PWWP3A: variants seen among roughly 807,000 people sequenced by gnomAD.
PWWP3A encodes PWWP domain-containing DNA repair factor 3A.
A neutral mutation model predicts 79.0 loss-of-function variants in PWWP3A; 53 were observed. The observed-to-expected ratio is 0.67, with a 90% CI of 0.54 to 0.84. The LOEUF (loss-of-function observed/expected upper bound fraction) is 0.84, where lower values mean the gene tolerates loss of function less well. PWWP3A is among the 40% of genes least tolerant of loss of function. PWWP3A has a pLI of 0.00. For synonymous variants in PWWP3A, 443 were observed against 394.4 expected (o/e 1.12, Z -1.46); for missense variants, 973 against 948.0 (o/e 1.03, Z -0.35).
chr19:1,366,895 G>A (rs778012028), intron 8 of PWWP3A, among the ~76,000 whole-genome samples: 6 of 152,222 alleles, frequency 3.9e-5, no homozygotes, highest in Admixed American at 1.3e-4. Context: ...TGCTGCCCCC[G>A]AGGGGTGGGA....
chr19:1,365,333 G>A (rs919328966), intron 7 of PWWP3A, among the ~76,000 whole-genome samples: 4 of 152,256 alleles, frequency 2.6e-5, no homozygotes, highest in Admixed American at 1.3e-4. Flanking sequence ...CCTGGAAGTT[G>A]CAGGTCATTG....
At position 1,373,089 on chromosome 19, in the gene PWWP3A, C is replaced by A. The variant is rs1210506254; in HGVS notation, c.2004C>A (p.Ile668=). ...TCTCACAGGCCATCATCTGTGCGAT[C>A]TCTGCGGTGGACGAGGTGGACTACA... ...VLLPEAIICA[I]SAVDEVDYKT... Residue 668 remains isoleucine, a synonymous_variant, in exon 13 of 14, where the codon ATC becomes ATA. Transcript: ENST00000591337. The A allele has an allele frequency of 1.2e-6, 2 of 1,614,102 alleles. No homozygotes were observed. Among genetic ancestry groups the A allele is most frequent in the Admixed American group, 1.7e-5 (1 of 60,014 alleles).
At chr19:1,364,278 C>A (rs1307276929) in intron 6 of PWWP3A, 1 of 669,262 alleles carries the variant, frequency 1.5e-6, no homozygotes, top group Non-Finnish European at 2.8e-6. Flanking sequence ...CAGTGCAGCA[C>A]CCCACTCAGC....
intron 7 of PWWP3A, among the ~76,000 whole-genome samples, chr19:1,365,981 G>A (rs913787530): frequency 2.0e-5 from 3 of 152,240 alleles, no homozygotes; most frequent in African/African-American, 7.2e-5. Flanking sequence ...CAGAGCATTA[G>A]GAGGACAAAC....
intron 1 of PWWP3A, among the ~76,000 whole-genome samples, chr19:1,355,591 C>T (rs1479050267): frequency 1.4e-5 from 2 of 142,732 alleles, no homozygotes; most frequent in African/African-American, 5.2e-5. Flanking sequence ...TGCTGTGACC[C>T]CCTTCTCTGT....
chr19:1,366,842 C>G (rs1471479928), intron 8 of PWWP3A, among the ~76,000 whole-genome samples: 1 of 152,260 alleles, frequency 6.6e-6, no homozygotes, highest in Non-Finnish European at 1.5e-5. Flanking sequence ...CATTGCATAT[C>G]CCCAAGTCGA....
chr19:1,362,125 G>C, intron 5 of PWWP3A, 125 bp from the exon 6 acceptor site: 1 of 641,686 alleles, frequency 1.6e-6, no homozygotes, highest in Non-Finnish European at 2.6e-6. Flanking sequence ...TGGCAGTGTG[G>C]AGTTGTGTAT....
Position 1,370,660 on chromosome 19 carries a change from C to G in PWWP3A, c.1568C>G (p.Ser523Cys). ...TTTGCAGGCTATCCTGTCCGAAAAT[C>G]CATCCAGCAGGACGTCTTGGGGACC... ...AADISYPVRK[S>C]IQQDVLGTKL... is the part of the protein sequence containing the mutation. Residue 523 changes from serine to cysteine, a missense_variant, in exon 12 of 14, where the codon TCC becomes TGC. By Grantham distance (112) the Ser-to-Cys change is moderately radical (BLOSUM62 -1). Coordinates refer to ENST00000591337, the MANE Select transcript of PWWP3A (RefSeq NM_001369789.1). 6.9e-7 allele frequency: 1 copy of G among 1,449,886 alleles called. No homozygotes were observed. The highest frequency in any genetic ancestry group is 1.5e-5 in the South Asian group (1 of 67,624). 89.8% of individuals were successfully genotyped at this position (1,449,886 alleles called of 1,614,324 possible).
chr19:1,360,954 C>T lies in PWWP3A; in HGVS notation c.1033C>T (p.Leu345=). ...ESVTPRSTAR[L]GPPPSHASAD... ...TGTGACCCCGCGCAGCACCGCCAGG[C>T]TGGGCCCGCCTCCCTCCCACGCCTC... Residue 345 remains leucine (L), a synonymous_variant, in exon 5 of 14, where the codon CTG becomes TTG. Transcript: ENST00000591337. This position sits in a 1 kb window ranked among gnomAD's most constrained non-coding sequence, Gnocchi z 4.4. 1 of 1,480,708 alleles carries T rather than the reference C, an allele frequency of 6.8e-7. No homozygotes were observed. Among genetic ancestry groups the T allele is most frequent in the South Asian group, 1.4e-5 (1 of 72,996 alleles). 91.7% of individuals were successfully genotyped at this position (1,480,708 alleles called of 1,614,324 possible).
chr19:1,356,913 C>T, intron 2 of PWWP3A, 96 bp from the exon 3 acceptor site: 1 of 932,918 alleles, frequency 1.1e-6, no homozygotes, highest in Non-Finnish European at 1.7e-6. Context: ...GGTTATAGGC[C>T]TTCAGGATTA....
chr19:1,365,943 G>T (rs980506090), intron 7 of PWWP3A, among the ~76,000 whole-genome samples: 1 of 152,236 alleles, frequency 6.6e-6, no homozygotes, highest in Non-Finnish European at 1.5e-5. Context: ...GCTTGTTCCC[G>T]AGCCTTTCTG....
chr19:1,374,422 C>T (rs929827938), intron 13 of PWWP3A: 11 of 152,240 alleles, frequency 7.2e-5, no homozygotes, highest in African/African-American at 2.4e-4. Flanking sequence ...TTGGGTCACA[C>T]ACTGGGCGTC....
rs948145274 is a variant in PWWP3A at position 1,368,772 on chromosome 19, T to G, written c.1423-493T>G. 1.3e-5 allele frequency among the ~76,000 whole-genome samples: 2 copies of G among 152,214 alleles called. No homozygotes were observed. Among genetic ancestry groups the G allele is most frequent in the Admixed American group, 1.3e-4 (2 of 15,284 alleles). ...AGAGCAGCTTATTTCCAGGACTTGA[T>G]GTCCTGTCATGTGGCACAGTGGCCA... On this transcript the variant is annotated intron_variant, in intron 9 of 13. Coordinates refer to ENST00000591337, the MANE Select transcript of PWWP3A (RefSeq NM_001369789.1). This position sits in a 1 kb window ranked among gnomAD's most constrained non-coding sequence, Gnocchi z 4.7.
Position 1,360,983 on chromosome 19 carries a change from G to T in PWWP3A, c.1062G>T (p.Ala354=). The T allele has an allele frequency of 6.9e-7, 1 of 1,453,234 alleles. No individual in the cohort carries two copies. Among genetic ancestry groups the T allele is most frequent in the Non-Finnish European group, 9.1e-7 (1 of 1,102,296 alleles). The allele number at this position is 1,453,234 out of a possible 1,614,324, so 90.0% of individuals were successfully genotyped here. A position where few individuals can be genotyped will look rare whatever the true frequency, so the allele number is the denominator to read the frequency against. The change falls in exon 5 of 14, where the codon GCG becomes GCT. Residue 354 remains alanine (A), a synonymous_variant. Transcript: ENST00000591337. This position sits in a 1 kb window ranked among gnomAD's most constrained non-coding sequence, Gnocchi z 4.4. ...RLGPPPSHAS[A]DATRCLPCPD... ...GCCCGCCTCCCTCCCACGCCTCTGCGGATGCAACCAGATGTCTTCCTTGCC... is the reference window on the plus strand; with the variant it reads ...GCCCGCCTCCCTCCCACGCCTCTGCTGATGCAACCAGATGTCTTCCTTGCC...
rs2082194021 is a variant in PWWP3A at position 1,369,069 on chromosome 19, G to C, written c.1423-196G>C. On this transcript the variant is annotated intron_variant, in intron 9 of 13. Transcript: ENST00000591337. This position sits in a 1 kb window ranked among gnomAD's most constrained non-coding sequence, Gnocchi z 4.0. ...CAGCTCAGGGCCCAGACCTGTGCCT[G>C]GTGCGTTTCCCATTTACCAGAGGGT... 1 of 575,416 alleles carries C rather than the reference G, an allele frequency of 1.7e-6. No homozygotes were observed. The highest frequency in any genetic ancestry group is 2.8e-5 in the Admixed American group (1 of 35,280). The allele number at this position is 575,416 out of a possible 1,614,324, so 35.6% of individuals were successfully genotyped here.
rs1248062218 is a variant in PWWP3A, at chr19:1,377,938, C to T, written c.*1362C>T. The T allele has an allele frequency of 1.3e-5, 2 of 152,304 alleles. No individual in the cohort carries two copies. Among genetic ancestry groups the T allele is most frequent in the African/African-American group, 4.8e-5 (2 of 41,462 alleles). The allele number at this position is 152,304 out of a possible 1,614,324, so 9.4% of individuals were successfully genotyped here. A position where few individuals can be genotyped will look rare whatever the true frequency, so the allele number is the denominator to read the frequency against. The stretch of plus-strand genomic sequence containing the variant: ...AGCCGCAAGGACTCTCGTATCGGGC[C>T]CTTGGGACTCGGGAGGTGCCAGAGG... On this transcript the variant is annotated 3_prime_UTR_variant, in exon 14 of 14. Transcript: ENST00000591337.
chr19:1,361,838 C>T (rs969319890), intron 5 of PWWP3A: 4 of 171,278 alleles, frequency 2.3e-5, no homozygotes, highest in African/African-American at 7.2e-5. Flanking sequence ...CCCCTCCCTG[C>T]GTATCCGCAC....
chr19:1,376,734 A>C lies in PWWP3A; in HGVS notation c.*158A>C. 1 of 557,188 alleles carries C rather than the reference A, an allele frequency of 1.8e-6. No homozygotes were observed. Among genetic ancestry groups the C allele is most frequent in the Non-Finnish European group, 3.1e-6 (1 of 318,482 alleles). The allele number at this position is 557,188 out of a possible 1,614,324, so 34.5% of individuals were successfully genotyped here. ...AGTCCTGATTTCCATGCTTCTGGAG[A>C]ATCCATTTCGTTAACACTGAAAGCC... is the stretch of plus-strand genomic sequence containing the variant. On this transcript the variant is annotated 3_prime_UTR_variant, in exon 14 of 14. Transcript: ENST00000591337.
intron 6 of PWWP3A, among the ~76,000 whole-genome samples, chr19:1,363,034 T>C (rs1263401584): frequency 2.6e-5 from 4 of 152,226 alleles, no homozygotes; most frequent in South Asian, 4.1e-4. Flanking sequence ...AGAATAATTA[T>C]AGATTCACAG....
Sources: allele counts gnomAD v4.1 joint callset (sites outside exome capture counted in the v4.1 genomes callset), GRCh38; gene constraint gnomAD v4.1.1; non-coding constraint Gnocchi (gnomAD v3.1); transcripts MANE v1.5; gene names NCBI Gene and HGNC (gene_info 2026-07-23, HGNC 2026-07-21).